WDR75: variants seen among roughly 807,000 people sequenced by gnomAD.
The protein encoded by WDR75 is WD repeat domain 75.
A neutral mutation model predicts 106.1 loss-of-function variants in WDR75; 52 were observed. The observed-to-expected ratio is 0.49, with a 90% CI of 0.39 to 0.62. The LOEUF is 0.62. Ranked by LOEUF, WDR75 falls within the 20% of genes least tolerant of loss-of-function variation. The pLI is 0.00. For missense variants in WDR75, 905 were observed against 970.3 expected, an observed-to-expected ratio of 0.93 and a Z score of 0.89; for synonymous variants, 333 against 335.5, an observed-to-expected ratio of 0.99 and a Z score of 0.08.
intron 19 of WDR75, 50 bp downstream of exon 19, chr2:189,474,382 C>T: frequency 6.4e-7 from 1 of 1,559,346 alleles, no homozygotes; most frequent in Non-Finnish European, 8.7e-7. Context: ...ACTTAAAGCA[C>T]CTGAAGTTGG....
In WDR75 at chr2:189,442,104, A is replaced by C. The variant is rs189413732; in HGVS notation, c.86+526A>C. 1.2e-4 allele frequency among the ~76,000 whole-genome samples: 18 copies of C among 152,234 alleles called. No homozygotes were observed. The East Asian group carries it at 3.3e-3, about 28-fold the overall frequency. On this transcript the variant is annotated intron_variant, in intron 1 of 20. Coordinates refer to ENST00000314761, the MANE Select transcript of WDR75 (RefSeq NM_032168.3). ...GTCTCTTTTCTCAGTGTAGCTGGAA[A>C]CCAAACCACTCCCTGGCTTCAAAAT...
At position 189,474,224 on chromosome 2, in the gene WDR75, T is replaced by C. The variant is rs1397734737; in HGVS notation, c.2088T>C (p.Tyr696=). 1.9e-6 allele frequency: 3 copies of C among 1,613,680 alleles called. No individual in the cohort carries two copies. Among genetic ancestry groups the C allele is most frequent in the Non-Finnish European group, 2.5e-6 (3 of 1,179,834 alleles). ...AAAGTCTTCCCACAACCCCATTTTA[T>C]TTCATATTGGGAAAACACAGGCAAC... ...AEESLPTTPF[Y]FILGKHRQQQ... is the part of the protein sequence containing the mutation. Residue 696 remains tyrosine, a synonymous_variant, in exon 19 of 21, where the codon TAT becomes TAC. Transcript: ENST00000314761.
rs1254249974 is a variant in WDR75 at position 189,462,571 on chromosome 2, T to C, written c.866T>C (p.Leu289Ser). The stretch of plus-strand genomic sequence containing the variant: ...AAGAATAAGGAGTTTCTCCCGCGTT[T>C]AGGAGCTACTATTGAACATATCTCA... ...TEKNKEFLPR[L>S]GATIEHISVS... The change falls in exon 9 of 21, where the codon TTA (leucine) becomes TCA (serine). Residue 289 changes from leucine (L) to serine (S), a missense_variant. By Grantham distance (145) the Leu-to-Ser change is moderately radical. Transcript: ENST00000314761. 1.9e-6 allele frequency: 3 copies of C among 1,614,076 alleles called. No individual in the cohort carries two copies. The highest frequency in any genetic ancestry group is 2.5e-6 in the Non-Finnish European group (3 of 1,179,974).
intron 15 of WDR75, 57 bp downstream of exon 15, chr2:189,468,626 A>C: frequency 6.4e-7 from 1 of 1,568,656 alleles, no homozygotes; most frequent in Non-Finnish European, 8.8e-7. Flanking sequence ...GTTGACATTA[A>C]ACTTTGGCAT....
intron 8 of WDR75, among the ~76,000 whole-genome samples, chr2:189,460,661 C>G (rs1184101068): frequency 7.5e-6 from 1 of 133,426 alleles, no homozygotes; most frequent in Non-Finnish European, 1.6e-5. Context: ...CGCACCACCA[C>G]GCCCAGCTAA....
At chr2:189,462,368 C>A in intron 8 of WDR75, 116 bp from the exon 9 acceptor site, 1 of 1,178,414 alleles carries the variant, frequency 8.5e-7, no homozygotes. Flanking sequence ...CTTTTTGTAG[C>A]TTTAAATGAG....
intron 4 of WDR75, among the ~76,000 whole-genome samples, chr2:189,453,219 G>A (rs1252266085): frequency 2.0e-5 from 3 of 152,184 alleles, no homozygotes; most frequent in African/African-American, 7.2e-5. Flanking sequence ...TGTTGAATAC[G>A]TGGATTTCTG....
At chr2:189,443,991 C>A (rs1354535230) in intron 1 of WDR75, among the ~76,000 whole-genome samples, 1 of 151,978 alleles carries the variant, frequency 6.6e-6, no homozygotes, top group African/African-American at 2.4e-5. Flanking sequence ...GAGTTCAGTT[C>A]GGGGTTATTA....
chr2:189,443,991 C>T (rs1354535230), intron 1 of WDR75, among the ~76,000 whole-genome samples: 1 of 151,978 alleles, frequency 6.6e-6, no homozygotes, highest in Non-Finnish European at 1.5e-5. Flanking sequence ...GAGTTCAGTT[C>T]GGGGTTATTA....
At chr2:189,464,475 G>A (rs1686961790) in intron 11 of WDR75, among the ~76,000 whole-genome samples, 1 of 151,458 alleles carries the variant, frequency 6.6e-6, no homozygotes, top group East Asian at 1.9e-4. Context: ...CTTTCTCACC[G>A]TGGCCTTTAG....
Position 189,459,381 on chromosome 2 carries a change from T to C in WDR75, c.735T>C (p.His245=). The change falls in exon 8 of 21, where the codon CAT becomes CAC. Residue 245 remains histidine (H), a synonymous_variant. Coordinates refer to ENST00000314761, the MANE Select transcript of WDR75 (RefSeq NM_032168.3). ...DDKKYTYTCL[H]WHHDMVMDLA... is the part of the protein sequence containing the mutation. The stretch of plus-strand genomic sequence containing the variant: ...AGAAATATACGTACACATGTTTACA[T>C]TGGCACCATGATATGGTTATGGATT... 1.9e-6 allele frequency: 3 copies of C among 1,613,032 alleles called. No individual in the cohort carries two copies. Among genetic ancestry groups the C allele is most frequent in the Middle Eastern group, 1.7e-4 (1 of 6,056 alleles).
chr2:189,441,634 G>A (rs1686367355), intron 1 of WDR75, 56 bp downstream of exon 1: 2 of 1,534,192 alleles, frequency 1.3e-6, no homozygotes, highest in South Asian at 1.2e-5. Flanking sequence ...TTTCTCGAGG[G>A]TCGGGGAGAA....
intron 2 of WDR75, chr2:189,448,822 A>C: frequency 2.0e-6 from 1 of 491,578 alleles, no homozygotes; most frequent in Non-Finnish European, 4.2e-6. Flanking sequence ...TGCATTGCGA[A>C]TATCCAAAAG....
rs763731276 is a variant in WDR75, at chr2:189,457,369, AAAC to A, written c.562_564del (p.Thr188del). ...TTGTCTGTTTATTTTTTCAAAAAGA[AAAC>A]AACATCAAGGTAAGAATTATTTTTT... On this transcript the variant is annotated inframe_deletion, in exon 6 of 21. Transcript: ENST00000314761. 1.8e-5 allele frequency: 29 copies of A among 1,593,118 alleles called. No individual in the cohort carries two copies. The highest frequency in any genetic ancestry group is 2.7e-5 in the African/African-American group (2 of 74,446).
chr2:189,450,987 A>T lies in WDR75; in HGVS notation c.282+19A>T. The T allele has an allele frequency of 6.3e-7, 1 of 1,586,146 alleles. No individual in the cohort carries two copies. The highest frequency in any genetic ancestry group is 1.2e-5 in the South Asian group (1 of 84,650). ...AATAAAGGTATGTGGATTGATCTTTACTTTTCGTTATGTGAATAAAAAAAG... is the reference window on the plus strand; with the variant it reads ...AATAAAGGTATGTGGATTGATCTTTTCTTTTCGTTATGTGAATAAAAAAAG... On this transcript the variant is annotated intron_variant, in intron 3 of 20. Transcript: ENST00000314761.
Position 189,448,394 on chromosome 2 carries a change from C to T in WDR75, c.102C>T (p.Val34=), listed in dbSNP as rs775450639. Reference sequence around the variant, plus strand: ...TTTTTTCCAGGTATATCTTCTGTGTCTCTGGAGACTTTGTTAAAGTTTACA... The same window carrying T: ...TTTTTTCCAGGTATATCTTCTGTGTTTCTGGAGACTTTGTTAAAGTTTACA... ...FSADSKYIFC[V]SGDFVKVYST... is the part of the protein sequence containing the mutation. The change falls in exon 2 of 21, where the codon GTC becomes GTT. Residue 34 remains valine (V), a synonymous_variant. Coordinates refer to ENST00000314761, the MANE Select transcript of WDR75 (RefSeq NM_032168.3). The T allele has an allele frequency of 3.1e-6, 5 of 1,613,302 alleles. No individual in the cohort carries two copies. In the African/African-American group the frequency reaches 5.3e-5, roughly 17 times the overall value.
chr2:189,468,331 T>C, intron 14 of WDR75, 144 bp from the exon 15 acceptor site: 2 of 675,572 alleles, frequency 3.0e-6, no homozygotes, highest in South Asian at 4.3e-5. Flanking sequence ...TAGACACTTT[T>C]TTCTTCAGGA....
intron 18 of WDR75, among the ~76,000 whole-genome samples, chr2:189,472,531 C>G (rs1186069324): frequency 6.6e-6 from 1 of 152,042 alleles, no homozygotes; most frequent in Non-Finnish European, 1.5e-5. Flanking sequence ...TCTTTATCAT[C>G]AAATCTTTTT....
intron 18 of WDR75, among the ~76,000 whole-genome samples, chr2:189,471,474 T>C (rs1027233598): frequency 3.3e-5 from 5 of 152,238 alleles, no homozygotes; most frequent in Non-Finnish European, 7.3e-5. Flanking sequence ...CAGATTGTTT[T>C]TCCTTTTGTG....
Sources: allele counts gnomAD v4.1 joint callset (sites outside exome capture counted in the v4.1 genomes callset), GRCh38; gene constraint gnomAD v4.1.1; transcripts MANE v1.5; gene names NCBI Gene and HGNC (gene_info 2026-07-23, HGNC 2026-07-21).